KLHDC7A: variants seen among roughly 807,000 people sequenced by gnomAD.
KLHDC7A encodes the protein kelch domain containing 7A, also known as kelch domain-containing protein 7A.
For synonymous variants in KLHDC7A, 464 were observed against 461.0 expected (o/e 1.01, Z -0.08); for missense variants, 1,123 against 1,052.6 (o/e 1.07, Z -0.93).
In KLHDC7A at chr1:18,481,459, C is replaced by G; in HGVS notation, c.478C>G (p.Arg160Gly). ...GSNPDPPHFP[R>G]LGSEPKSSPA... ...TAACCCTGACCCTCCCCATTTCCCCCGCTTGGGCAGCGAACCGAAGAGCTC... is the reference window on the plus strand; with the variant it reads ...TAACCCTGACCCTCCCCATTTCCCCGGCTTGGGCAGCGAACCGAAGAGCTC... Residue 160 changes from arginine (R) to glycine (G), a missense_variant, in exon 1 of 1, where the codon CGC (arginine) becomes GGC (glycine). Physicochemically the swap from Arg to Gly is moderately radical, Grantham distance 125. Coordinates refer to ENST00000400664, the MANE Select transcript of KLHDC7A (RefSeq NM_152375.3). 1.2e-6 allele frequency: 2 copies of G among 1,613,480 alleles called. No individual in the cohort carries two copies. The highest frequency in any genetic ancestry group is 1.1e-5 in the South Asian group (1 of 91,072).
Position 18,482,264 on chromosome 1 carries a change from T to A in KLHDC7A, c.1283T>A (p.Val428Asp). 1.9e-6 allele frequency: 3 copies of A among 1,604,604 alleles called. No individual in the cohort carries two copies. Among genetic ancestry groups the A allele is most frequent in the Non-Finnish European group, 2.5e-6 (3 of 1,179,910 alleles). ...IPLTPASAPQ[V>D]RLDLGNCYEV... ...CTCACCCCTGCTTCAGCCCCACAGG[T>A]CCGCCTGGATCTGGGCAATTGCTAT... The change falls in exon 1 of 1, where the codon GTC becomes GAC. Residue 428 changes from valine to aspartate, a missense_variant. Coordinates refer to ENST00000400664, the MANE Select transcript of KLHDC7A (RefSeq NM_152375.3).
In KLHDC7A at chr1:18,483,122, A is replaced by T. The variant is rs1336286347; in HGVS notation, c.2141A>T (p.Asp714Val). Residue 714 changes from aspartate to valine, a missense_variant, in exon 1 of 1, where the codon GAT becomes GTT. By Grantham distance (152) the Asp-to-Val change is radical. Transcript: ENST00000400664. ...GCCACGTACCGGACGCCTTACCCGG[A>T]TGCCTTCCAGTGCGCCGTGGTGGAC... is the stretch of plus-strand genomic sequence containing the variant. The part of the protein sequence containing the change: ...ECATYRTPYP[D>V]AFQCAVVDNL... 2.5e-6 allele frequency: 4 copies of T among 1,613,912 alleles called. No homozygotes were observed. The highest frequency in any genetic ancestry group is 3.4e-6 in the Non-Finnish European group (4 of 1,180,006).
At position 18,481,072 on chromosome 1, in the gene KLHDC7A, G is replaced by C; in HGVS notation, c.91G>C (p.Val31Leu). 6.2e-7 allele frequency: 1 copy of C among 1,613,902 alleles called. No homozygotes were observed. Among genetic ancestry groups the C allele is most frequent in the South Asian group, 1.1e-5 (1 of 91,066 alleles). The change falls in exon 1 of 1, where the codon GTG (valine) becomes CTG (leucine). Residue 31 changes from valine to leucine, a missense_variant. Physicochemically the swap from Val to Leu is conservative, Grantham distance 32. Transcript: ENST00000400664. ...GCTGTCAGCCGCTGCCCTGCTCCTGGTGACTGTGGCCTACAGGCTGTACAA... is the reference window on the plus strand; with the variant it reads ...GCTGTCAGCCGCTGCCCTGCTCCTGCTGACTGTGGCCTACAGGCTGTACAA... ...VVLSAAALLLVTVAYRLYKSR... is the reference protein window; with the variant it reads ...VVLSAAALLLLTVAYRLYKSR...
rs2086918158 is a variant in KLHDC7A at position 18,484,009 on chromosome 1, T to C, written c.*694T>C. 1 of 1,304,186 alleles carries C rather than the reference T, an allele frequency of 7.7e-7. No individual in the cohort carries two copies. Among genetic ancestry groups the C allele is most frequent in the African/African-American group, 1.5e-5 (1 of 65,894 alleles). 80.8% of individuals were successfully genotyped at this position (1,304,186 alleles called of 1,614,324 possible). On this transcript the variant is annotated 3_prime_UTR_variant, in exon 1 of 1. Transcript: ENST00000400664. ...TTGGAAGAAAGAGAAGCAGCCATTG[T>C]ACCAAGCTATCTTCTGGTGGAGGTC...
Position 18,483,211 on chromosome 1 carries a change from A to T in KLHDC7A, c.2230A>T (p.Arg744Trp). 6.2e-7 allele frequency: 1 copy of T among 1,614,030 alleles called. No homozygotes were observed. The highest frequency in any genetic ancestry group is 8.5e-7 in the Non-Finnish European group (1 of 1,180,028). Residue 744 changes from arginine (R) to tryptophan (W), a missense_variant, in exon 1 of 1, where the codon AGG (arginine) becomes TGG (tryptophan). Transcript: ENST00000400664. ...CTTCCTAGCAGACTCTGTCTCACCCAGGTTTGTGCCCAAGGAGCTGCGGAG... is the reference window on the plus strand; with the variant it reads ...CTTCCTAGCAGACTCTGTCTCACCCTGGTTTGTGCCCAAGGAGCTGCGGAG... The part of the protein sequence containing the change: ...LCFLADSVSP[R>W]FVPKELRSFP...
At position 18,484,844 on chromosome 1, in the gene KLHDC7A, C is replaced by G. The variant is rs2086923399; in HGVS notation, c.*1529C>G. 6.0e-6 allele frequency: 1 copy of G among 166,886 alleles called. No individual in the cohort carries two copies. Among genetic ancestry groups the G allele is most frequent in the South Asian group, 2.1e-4 (1 of 4,806 alleles). The allele number at this position is 166,886 out of a possible 1,614,324, so 10.3% of individuals were successfully genotyped here. ...CCATCCCTGGTCTGGGCTCTGGCAC[C>G]AGGCTCTGCCAGTGGCAGCTCAGAG... On this transcript the variant is annotated 3_prime_UTR_variant, in exon 1 of 1. Coordinates refer to ENST00000400664, the MANE Select transcript of KLHDC7A (RefSeq NM_152375.3).
Position 18,484,334 on chromosome 1 carries a change from C to G in KLHDC7A, c.*1019C>G. On this transcript the variant is annotated 3_prime_UTR_variant, in exon 1 of 1. Transcript: ENST00000400664. ...CATCCAGAGACTGGATCTCCTTTCA[C>G]ATCTGGTTTGATAAACTCCGAATGA... 3.2e-6 allele frequency: 1 copy of G among 310,422 alleles called. No homozygotes were observed. Among genetic ancestry groups the G allele is most frequent in the East Asian group, 8.8e-5 (1 of 11,422 alleles). 19.2% of individuals were successfully genotyped at this position (310,422 alleles called of 1,614,324 possible).
rs114973716 is a variant in KLHDC7A, at chr1:18,483,819, G to A, written c.*504G>A. The A allele has an allele frequency of 2.9e-4, 360 of 1,221,280 alleles. 2 individuals are homozygous for A. The African/African-American group carries it at 5.2e-3, about 18-fold the overall frequency. The allele number at this position is 1,221,280 out of a possible 1,614,324, so 75.7% of individuals were successfully genotyped here. On this transcript the variant is annotated 3_prime_UTR_variant, in exon 1 of 1. Coordinates refer to ENST00000400664, the MANE Select transcript of KLHDC7A (RefSeq NM_152375.3). Reference sequence around the variant, plus strand: ...ACCGGGACACACAGGTGGGAAAGATGGAGGCAGGTGACTTGGGCAGGGCCA... The same window carrying A: ...ACCGGGACACACAGGTGGGAAAGATAGAGGCAGGTGACTTGGGCAGGGCCA...
chr1:18,483,375 G>C lies in KLHDC7A; in HGVS notation c.*60G>C. ...GGGCCACCGGGCTCCACTGCCAGCC[G>C]TCCCTCTGGGGGCCATTTCTAGGCA... On this transcript the variant is annotated 3_prime_UTR_variant, in exon 1 of 1. Coordinates refer to ENST00000400664, the MANE Select transcript of KLHDC7A (RefSeq NM_152375.3). 3.2e-6 allele frequency: 5 copies of C among 1,568,074 alleles called. No homozygotes were observed. Among genetic ancestry groups the C allele is most frequent in the Non-Finnish European group, 4.3e-6 (5 of 1,155,430 alleles).
chr1:18,481,798 C>G lies in KLHDC7A; in HGVS notation c.817C>G (p.His273Asp), dbSNP rs2992753. Reference protein sequence around the residue: ...SSIARVRMEEHFIQKAEGVEP... With the variant: ...SSIARVRMEEDFIQKAEGVEP... ...CATAGCCCGCGTCCGAATGGAGGAG[C>G]ATTTCATACAGAAGGCGGAGGGGGT... Residue 273 changes from histidine to aspartate, a missense_variant, in exon 1 of 1, where the codon CAT becomes GAT. His to Asp is a moderately conservative substitution (Grantham distance 81). Transcript: ENST00000400664. The G allele has an allele frequency of 6.2e-7, 1 of 1,613,794 alleles. No individual in the cohort carries two copies. The highest frequency in any genetic ancestry group is 1.3e-5 in the African/African-American group (1 of 74,954).
Position 18,481,400 on chromosome 1 carries a change from GC to G in KLHDC7A, c.423del (p.Ser142AlafsTer61). 1.2e-6 allele frequency: 2 copies of G among 1,613,520 alleles called. No homozygotes were observed. Among genetic ancestry groups the G allele is most frequent in the East Asian group, 4.5e-5 (2 of 44,872 alleles). ...GACTCTGAGCAGGTGCCTCCTTGCT[GC>G]CCCAGCCAGGAAACCAGAACAGCTG... ...GSDSEQVPPC[C>X]PSQETRTAVG... On this transcript the variant is annotated frameshift_variant, in exon 1 of 1. Coordinates refer to ENST00000400664, the MANE Select transcript of KLHDC7A (RefSeq NM_152375.3). LOFTEE classifies it low-confidence loss of function (END_TRUNC).
rs756808818 is a variant in KLHDC7A, at chr1:18,482,500, G to C, written c.1519G>C (p.Gly507Arg). Residue 507 changes from glycine to arginine, a missense_variant, in exon 1 of 1, where the codon GGC becomes CGC. Coordinates refer to ENST00000400664, the MANE Select transcript of KLHDC7A (RefSeq NM_152375.3). ...ADVCPKEDSG[G>R]LCCYDDEQDV... ...CGTGTGCCCCAAGGAAGACTCCGGC[G>C]GCCTCTGTTGCTATGACGATGAGCA... 1.2e-6 allele frequency: 2 copies of C among 1,611,726 alleles called. No homozygotes were observed. The highest frequency in any genetic ancestry group is 1.3e-5 in the African/African-American group (1 of 74,946).
rs992993689 is a variant in KLHDC7A at position 18,483,132 on chromosome 1, G to A, written c.2151G>A (p.Gln717=). Residue 717 remains glutamine, a synonymous_variant, in exon 1 of 1, where the codon CAG becomes CAA. Transcript: ENST00000400664. ...TYRTPYPDAF[Q]CAVVDNLIYC... ...GGACGCCTTACCCGGATGCCTTCCA[G>A]TGCGCCGTGGTGGACAACCTCATCT... is the stretch of plus-strand genomic sequence containing the variant. 17 of 1,613,902 alleles carry A rather than the reference G, an allele frequency of 1.1e-5. No homozygotes were observed. Among genetic ancestry groups the A allele is most frequent in the Non-Finnish European group, 1.4e-5 (16 of 1,180,052 alleles).
In KLHDC7A at chr1:18,482,038, C is replaced by A; in HGVS notation, c.1057C>A (p.Pro353Thr). 1 of 1,612,602 alleles carries A rather than the reference C, an allele frequency of 6.2e-7. No homozygotes were observed. The highest frequency in any genetic ancestry group is 8.5e-7 in the Non-Finnish European group (1 of 1,179,842). The part of the protein sequence containing the change: ...AERAASPQTG[P>T]WPSTRGFSRK... ...AAGAGCCGCCTCCCCGCAGACAGGG[C>A]CGTGGCCCTCCACCCGAGGCTTCAG... Residue 353 changes from proline to threonine, a missense_variant, in exon 1 of 1, where the codon CCG (proline) becomes ACG (threonine). By Grantham distance (38) the Pro-to-Thr change is conservative. Coordinates refer to ENST00000400664, the MANE Select transcript of KLHDC7A (RefSeq NM_152375.3).
Position 18,481,609 on chromosome 1 carries a change from G to T in KLHDC7A, c.628G>T (p.Val210Leu). The change falls in exon 1 of 1, where the codon GTG becomes TTG. Residue 210 changes from valine to leucine, a missense_variant. Transcript: ENST00000400664. ...ACTAGAACCTCCCCACTGTCACTAC[G>T]TGGCTCCCTTGCAAGGCAGCAGTGA... The part of the protein sequence containing the change: ...GQLEPPHCHY[V>L]APLQGSSDMN... 6.2e-7 allele frequency: 1 copy of T among 1,613,946 alleles called. No homozygotes were observed.
In KLHDC7A at chr1:18,483,978, T is replaced by C. The variant is rs1444406059; in HGVS notation, c.*663T>C. ...TATACCAAAGCCCACATTACTTTTCTCCTTATTGGAAGAAAGAGAAGCAGC... is the reference window on the plus strand; with the variant it reads ...TATACCAAAGCCCACATTACTTTTCCCCTTATTGGAAGAAAGAGAAGCAGC... On this transcript the variant is annotated 3_prime_UTR_variant, in exon 1 of 1. Transcript: ENST00000400664. The C allele has an allele frequency of 2.3e-6, 3 of 1,304,130 alleles. No individual in the cohort carries two copies. Among genetic ancestry groups the C allele is most frequent in the Non-Finnish European group, 3.0e-6 (3 of 988,952 alleles). The allele number at this position is 1,304,130 out of a possible 1,614,324, so 80.8% of individuals were successfully genotyped here.
In KLHDC7A at chr1:18,481,479, G is replaced by A; in HGVS notation, c.498G>A (p.Lys166=). 6.2e-7 allele frequency: 1 copy of A among 1,613,630 alleles called. No homozygotes were observed. Among genetic ancestry groups the A allele is most frequent in the Non-Finnish European group, 8.5e-7 (1 of 1,180,016 alleles). The change falls in exon 1 of 1, where the codon AAG becomes AAA. Residue 166 remains lysine, a synonymous_variant. Transcript: ENST00000400664. ...TCCCCCGCTTGGGCAGCGAACCGAAGAGCTCCCCAGCTGGACTCATTGCAG... is the reference window on the plus strand; with the variant it reads ...TCCCCCGCTTGGGCAGCGAACCGAAAAGCTCCCCAGCTGGACTCATTGCAG... The part of the protein sequence containing the change: ...PHFPRLGSEP[K]SSPAGLIAAA...
chr1:18,482,326 G>A lies in KLHDC7A; in HGVS notation c.1345G>A (p.Ala449Thr), dbSNP rs774199718. The change falls in exon 1 of 1, where the codon GCC (alanine) becomes ACC (threonine). Residue 449 changes from alanine to threonine, a missense_variant. By Grantham distance (58) the Ala-to-Thr change is moderately conservative. Transcript: ENST00000400664. Reference protein sequence around the residue: ...LTLAKRQNLEALKEAAYKVMS... With the variant: ...LTLAKRQNLETLKEAAYKVMS... ...CTTGGCCAAGAGGCAGAACCTGGAG[G>A]CCCTGAAAGAGGCGGCCTACAAGGT... The A allele has an allele frequency of 6.2e-7, 1 of 1,602,196 alleles. No homozygotes were observed.
At position 18,481,122 on chromosome 1, in the gene KLHDC7A, G is replaced by T; in HGVS notation, c.141G>T (p.Arg47=). ...AGTCGAGGCCTGCCCCAGCCCAGCG[G>T]TGGGGTGGGAATGGCCAGGCAGAAG... ...LYKSRPAPAQ[R]WGGNGQAEAK... Residue 47 remains arginine, a synonymous_variant, in exon 1 of 1, where the codon CGG becomes CGT. Transcript: ENST00000400664. The T allele has an allele frequency of 1.9e-6, 3 of 1,613,704 alleles. No individual in the cohort carries two copies. Among genetic ancestry groups the T allele is most frequent in the Non-Finnish European group, 2.5e-6 (3 of 1,179,946 alleles).
Sources: gnomAD v4.1 joint callset for allele counts on GRCh38, gnomAD v4.1.1 for gene constraint, MANE v1.5 for transcripts, NCBI Gene and HGNC (gene_info 2026-07-23, HGNC 2026-07-21) for gene names.